KIF6: variants seen among roughly 807,000 people sequenced by gnomAD.
KIF6 encodes the protein kinesin family member 6, also known as kinesin-like protein KIF6.
In KIF6, 106 loss-of-function variants were observed where a neutral mutation model predicts 112.7. The ratio of observed to expected loss-of-function variants is 0.94; its 90% CI spans 0.80 to 1.11. The LOEUF is 1.11. Among genes scored for constraint, KIF6 ranks in the 50% least tolerant of loss-of-function variants. The pLI, the probability that KIF6 is intolerant of heterozygous loss-of-function variation, is 0.00. For missense variants in KIF6, 929 were observed against 964.0 expected (o/e 0.96, Z 0.48); for synonymous variants, 339 against 339.9 (o/e 1.00, Z 0.03).
At chr6:39,453,849 T>G (rs553327934) in intron 13 of KIF6, among the ~76,000 whole-genome samples, 35 of 152,348 alleles carry the variant, frequency 2.3e-4, no homozygotes, top group Non-Finnish European at 4.4e-4. Flanking sequence ...AATTTTCTTC[T>G]CTGGCTTCTT....
intron 16 of KIF6, among the ~76,000 whole-genome samples, chr6:39,369,784 G>A (rs1399961541): frequency 3.3e-5 from 5 of 152,176 alleles, no homozygotes; most frequent in Non-Finnish European, 5.9e-5. Flanking sequence ...ATTACTGCTT[G>A]AACTTGGCAT....
chr6:39,431,174 A>G lies in KIF6; in HGVS notation c.1646-13T>C. Reference sequence around the variant, plus strand: ...TCCTCTCTCATTCCTGTTTGGAGACACAGGGAAATGGCCTCAGTCACAGCA... The same window carrying G: ...TCCTCTCTCATTCCTGTTTGGAGACGCAGGGAAATGGCCTCAGTCACAGCA... On this transcript the variant is annotated splice_polypyrimidine_tract_variant and intron_variant, in intron 13 of 22. Transcript: ENST00000287152. 1 of 1,480,312 alleles carries G rather than the reference A, an allele frequency of 6.8e-7. No individual in the cohort carries two copies. The highest frequency in any genetic ancestry group is 9.4e-7 in the Non-Finnish European group (1 of 1,058,544). 91.7% of individuals were successfully genotyped at this position (1,480,312 alleles called of 1,614,324 possible).
At chr6:39,714,596 T>A in intron 3 of KIF6, 96 bp downstream of exon 3, 1 of 773,248 alleles carries the variant, frequency 1.3e-6, no homozygotes, top group Non-Finnish European at 2.2e-6. Flanking sequence ...CCTAAGTATA[T>A]AATTGATACA....
chr6:39,550,352 C>T (rs1779299543), intron 10 of KIF6, among the ~76,000 whole-genome samples: 1 of 152,066 alleles, frequency 6.6e-6, no homozygotes, highest in South Asian at 2.1e-4. Flanking sequence ...CATGGAAATG[C>T]TGGCTGTTTC....
At chr6:39,513,626 G>A (rs1776904639) in intron 13 of KIF6, among the ~76,000 whole-genome samples, 1 of 152,150 alleles carries the variant, frequency 6.6e-6, no homozygotes, top group Non-Finnish European at 1.5e-5. Context: ...CTGGCTAAGG[G>A]GAGCATTTAA....
At chr6:39,649,472 A>T (rs1014587516) in intron 3 of KIF6, among the ~76,000 whole-genome samples, 2 of 152,206 alleles carry the variant, frequency 1.3e-5, no homozygotes, top group East Asian at 3.9e-4. Flanking sequence ...CATACTGGTT[A>T]TTAAACTAGA....
At chr6:39,673,848 A>C (rs951299446) in intron 3 of KIF6, among the ~76,000 whole-genome samples, 3 of 152,220 alleles carry the variant, frequency 2.0e-5, no homozygotes, top group African/African-American at 7.2e-5. Flanking sequence ...TAACTAAATT[A>C]AGCTCTTTCA....
intron 3 of KIF6, among the ~76,000 whole-genome samples, chr6:39,704,518 T>C (rs1789072614): frequency 6.6e-6 from 1 of 152,022 alleles, no homozygotes; most frequent in African/African-American, 2.4e-5. Flanking sequence ...CTTGGGAGAC[T>C]GAGGCAGGAG....
intron 3 of KIF6, among the ~76,000 whole-genome samples, chr6:39,685,374 G>A (rs550176862): frequency 2.6e-5 from 4 of 152,210 alleles, no homozygotes; most frequent in African/African-American, 7.2e-5. Flanking sequence ...CAGATATGAC[G>A]TGGGAGAATG....
At chr6:39,536,281 T>C (rs1167549663) in intron 13 of KIF6, among the ~76,000 whole-genome samples, 1 of 139,460 alleles carries the variant, frequency 7.2e-6, no homozygotes, top group Non-Finnish European at 1.6e-5. Flanking sequence ...CAGGAGCTGG[T>C]TTTTTTAAAG....
intron 15 of KIF6, among the ~76,000 whole-genome samples, chr6:39,408,185 G>A (rs537983282): frequency 6.6e-6 from 1 of 152,124 alleles, no homozygotes; most frequent in South Asian, 2.1e-4. Context: ...GCCATATTTT[G>A]CTCTCCAAAT....
intron 3 of KIF6, among the ~76,000 whole-genome samples, chr6:39,697,442 T>G (rs1289935856): frequency 6.6e-6 from 1 of 152,222 alleles, no homozygotes; most frequent in Non-Finnish European, 1.5e-5. Context: ...TTCCCAGTTA[T>G]GTAAGCCAAT....
rs78761242 is a variant in KIF6, at chr6:39,357,258, C to T, written c.2180+19G>A. On this transcript the variant is annotated intron_variant, in intron 19 of 22. Coordinates refer to ENST00000287152, the MANE Select transcript of KIF6 (RefSeq NM_145027.6). Reference sequence around the variant, plus strand: ...CCTTTTCTGGGAACTCTAACACCTCCGGTGAGTTCTCACCTTACCTTTTGT... The same window carrying T: ...CCTTTTCTGGGAACTCTAACACCTCTGGTGAGTTCTCACCTTACCTTTTGT... The T allele has an allele frequency of 1.1e-3, 1,727 of 1,546,090 alleles. 19 individuals are homozygous for T. In the East Asian group the frequency reaches 0.015, roughly 13 times the overall value.
intron 13 of KIF6, among the ~76,000 whole-genome samples, chr6:39,449,842 CCT>C (rs1772571037): frequency 6.6e-6 from 1 of 152,174 alleles, no homozygotes; most frequent in Non-Finnish European, 1.5e-5. Context: ...TGAGCTTTTT[CCT>C]CTCTGCCCCC....
In KIF6 at chr6:39,362,952, T is replaced by C. The variant is rs371474749; in HGVS notation, c.1862-434A>G. 1.6e-4 allele frequency among the ~76,000 whole-genome samples: 25 copies of C among 152,196 alleles called. 3 individuals carry two copies. The highest frequency in any genetic ancestry group is 7.2e-4 in the Admixed American group (11 of 15,290). On this transcript the variant is annotated intron_variant, in intron 16 of 22. Transcript: ENST00000287152. ...TCACCTGAGGTTAGGAGTTCGAGAC[T>C]GGCCTGGCCAACATGGTCAAACCCC...
chr6:39,544,696 G>A lies in KIF6; in HGVS notation c.1288-3C>T. ...ATCTTCTTGTCATTCAATAGTTTCT[G>A]TAAGATAAAATAAGAGCTTAGTACC... On this transcript the variant is annotated splice_polypyrimidine_tract_variant and splice_region_variant and intron_variant, in intron 11 of 22. Coordinates refer to ENST00000287152, the MANE Select transcript of KIF6 (RefSeq NM_145027.6). 1.3e-6 allele frequency: 2 copies of A among 1,578,194 alleles called. No individual in the cohort carries two copies. The highest frequency in any genetic ancestry group is 2.3e-5 in the South Asian group (2 of 85,220).
rs903587110 is a variant in KIF6, at chr6:39,342,601, A to AT, written c.2428+1107dup. On this transcript the variant is annotated intron_variant, in intron 22 of 22. Coordinates refer to ENST00000287152, the MANE Select transcript of KIF6 (RefSeq NM_145027.6). This position sits in a 1 kb window ranked among gnomAD's most constrained non-coding sequence, Gnocchi z 4.7. Reference sequence around the variant, plus strand: ...TGGAGATCACTGAATCCAGTTTTTTATTTTTTTTTATTTTTTTTTATTTTT... The same window carrying AT: ...TGGAGATCACTGAATCCAGTTTTTTATTTTTTTTTTATTTTTTTTTATTTTT... 2.8e-4 allele frequency among the ~76,000 whole-genome samples: 23 copies of AT among 83,286 alleles called. No homozygotes were observed. The highest frequency in any genetic ancestry group is 2.5e-3 in the East Asian group (9 of 3,628). 54.6% of individuals were successfully genotyped at this position (83,286 alleles called of 152,430 possible).
intron 10 of KIF6, among the ~76,000 whole-genome samples, chr6:39,546,400 T>C (rs1290895405): frequency 6.6e-6 from 1 of 152,166 alleles, no homozygotes; most frequent in Non-Finnish European, 1.5e-5. Flanking sequence ...CCCTTAATCA[T>C]CTCTTTATCT....
chr6:39,442,057 C>T (rs7773461), intron 13 of KIF6, among the ~76,000 whole-genome samples: 1,963 of 152,284 alleles, frequency 0.013, 50 homozygotes, highest in African/African-American at 0.045. Flanking sequence ...CAAATGGGTT[C>T]CTGACTCCTG....
Sources: allele counts gnomAD v4.1 joint callset (sites outside exome capture counted in the v4.1 genomes callset), GRCh38; gene constraint gnomAD v4.1.1; non-coding constraint Gnocchi (gnomAD v3.1); transcripts MANE v1.5; gene names NCBI Gene and HGNC (gene_info 2026-07-23, HGNC 2026-07-21).